VWA8: variants seen among roughly 807,000 people sequenced by gnomAD.
The protein encoded by VWA8 is von Willebrand factor A domain containing 8, also known as von Willebrand factor A domain-containing protein 8.
VWA8 carries 221 observed loss-of-function variants against 241.5 expected under a neutral mutation model. The observed-to-expected ratio is 0.91, with a 90% CI of 0.82 to 1.02. VWA8 has a LOEUF of 1.02. VWA8 is among the 50% of genes least tolerant of loss of function. The pLI is 0.00. For synonymous variants in VWA8, 852 were observed against 827.1 expected, an observed-to-expected ratio of 1.03 and a Z score of -0.52; for missense variants, 2,322 against 2,328.7, an observed-to-expected ratio of 1.00 and a Z score of 0.06.
intron 21 of VWA8, among the ~76,000 whole-genome samples, chr13:41,757,148 A>G (rs2045700053): frequency 6.6e-6 from 1 of 151,760 alleles, no homozygotes; most frequent in South Asian, 2.1e-4. Context: ...GAGAGGAAAA[A>G]AAAAGAGAGT....
chr13:41,692,944 G>A lies in VWA8; in HGVS notation c.3593C>T (p.Thr1198Ile), dbSNP rs751273853. 5.0e-6 allele frequency: 8 copies of A among 1,607,472 alleles called. No homozygotes were observed. The highest frequency in any genetic ancestry group is 6.8e-6 in the Non-Finnish European group (8 of 1,175,932). Residue 1198 changes from threonine (T) to isoleucine (I), a missense_variant, in exon 30 of 45, where the codon ACT (threonine) becomes ATT (isoleucine). Thr to Ile is a moderately conservative substitution (Grantham distance 89, BLOSUM62 -1). Transcript: ENST00000379310. Reference protein sequence around the residue: ...QSNVILLLDTTGRALHRLILP... With the variant: ...QSNVILLLDTIGRALHRLILP... ...GATGAGACGATGAAGGGCCCGGCCA[G>A]TAGTATCTAACAACAGGATAACATT...
chr13:41,712,852 G>A (rs1287612869), intron 26 of VWA8, among the ~76,000 whole-genome samples: 1 of 152,186 alleles, frequency 6.6e-6, no homozygotes, highest in Non-Finnish European at 1.5e-5. Context: ...ATATTGTAAT[G>A]TAGATTAGAT....
At chr13:41,727,128 T>C (rs745645216) in intron 24 of VWA8, 66 bp downstream of exon 24, 5 of 1,252,168 alleles carry the variant, frequency 4.0e-6, no homozygotes, top group Non-Finnish European at 5.5e-6. Flanking sequence ...ATGACAGCCA[T>C]TACAGCAGTG....
rs1227639185 is a variant in VWA8 at position 41,719,336 on chromosome 13, G to A, written c.3116+255C>T. ...GTAATTCAACAAAAGGACTGAGACT[G>A]TTAAAGAAACAAATATTTCCCTTTA... On this transcript the variant is annotated intron_variant, in intron 26 of 44. Transcript: ENST00000379310. The A allele has an allele frequency of 3.1e-6, 4 of 1,302,572 alleles. No individual in the cohort carries two copies. In the East Asian group the frequency reaches 1.4e-4, roughly 45 times the overall value. The allele number at this position is 1,302,572 out of a possible 1,614,324, so 80.7% of individuals were successfully genotyped here.
chr13:41,683,224 T>C (rs1295765423), intron 35 of VWA8, among the ~76,000 whole-genome samples: 1 of 151,302 alleles, frequency 6.6e-6, no homozygotes, highest in Admixed American at 6.6e-5. Context: ...CAAACTGTGG[T>C]ACATCTATAT....
intron 22 of VWA8, 133 bp from the exon 23 acceptor site, chr13:41,729,810 C>G (rs147910830): frequency 1.4e-5 from 6 of 422,930 alleles, no homozygotes; most frequent in East Asian, 4.4e-5. Flanking sequence ...CACACACACA[C>G]ACACACACAC....
intron 37 of VWA8, among the ~76,000 whole-genome samples, chr13:41,631,182 G>A (rs2044723965): frequency 6.6e-6 from 1 of 152,064 alleles, no homozygotes; most frequent in Admixed American, 6.5e-5. Context: ...ACCACACCTA[G>A]CTAATTTTTG....
At chr13:41,833,658 G>C (rs1243544075) in intron 12 of VWA8, 127 bp from the exon 13 acceptor site, 6 of 1,124,206 alleles carry the variant, frequency 5.3e-6, no homozygotes, top group Non-Finnish European at 6.9e-6. Flanking sequence ...TAACAGAGAA[G>C]TCATCTTCTC....
intron 16 of VWA8, among the ~76,000 whole-genome samples, chr13:41,813,823 T>C (rs1870572973): frequency 6.6e-6 from 1 of 152,118 alleles, no homozygotes; most frequent in Admixed American, 6.6e-5. Context: ...GAGTATACTT[T>C]AAAAATTCCT....
chr13:41,718,372 C>A (rs369213633), intron 26 of VWA8, among the ~76,000 whole-genome samples: 2 of 151,884 alleles, frequency 1.3e-5, no homozygotes, highest in Non-Finnish European at 2.9e-5. Context: ...CATTAAATTA[C>A]TGACCTAGTT....
chr13:41,693,072 G>A, intron 29 of VWA8, 100 bp from the exon 30 acceptor site: 2 of 695,694 alleles, frequency 2.9e-6, no homozygotes, highest in Non-Finnish European at 4.7e-6. Flanking sequence ...AGGTTATAGT[G>A]ATAAATCAAA....
At chr13:41,692,804 T>C in intron 30 of VWA8, 58 bp downstream of exon 30, 3 of 1,420,292 alleles carry the variant, frequency 2.1e-6, no homozygotes. Context: ...TGCATCTTTC[T>C]GGTTAGAAAG....
chr13:41,921,981 A>T (rs1434714622), intron 2 of VWA8, among the ~76,000 whole-genome samples: 1 of 152,212 alleles, frequency 6.6e-6, no homozygotes. Flanking sequence ...TGCCAAGTCA[A>T]TCCTAAGCCA....
chr13:41,859,854 T>C (rs1424339171), intron 12 of VWA8, among the ~76,000 whole-genome samples: 1 of 152,186 alleles, frequency 6.6e-6, no homozygotes, highest in Non-Finnish European at 1.5e-5. Flanking sequence ...ACAGATTAAG[T>C]GTAGCTTTAT....
intron 42 of VWA8, among the ~76,000 whole-genome samples, chr13:41,586,153 C>T (rs2044416497): frequency 2.0e-5 from 3 of 147,644 alleles, no homozygotes; most frequent in African/African-American, 7.8e-5. Flanking sequence ...TCTATAAACC[C>T]ATAAAGCATA....
intron 40 of VWA8, among the ~76,000 whole-genome samples, chr13:41,603,133 A>G (rs1350281497): frequency 6.6e-6 from 1 of 152,150 alleles, no homozygotes; most frequent in Non-Finnish European, 1.5e-5. Context: ...TTTTTAAAAA[A>G]TGGGTGCTAC....
chr13:41,595,237 A>G (rs188373343), intron 40 of VWA8, among the ~76,000 whole-genome samples: 31 of 152,282 alleles, frequency 2.0e-4, no homozygotes, highest in Admixed American at 2.0e-3. Context: ...CTTTTCCCAT[A>G]ATGATTATCT....
chr13:41,756,245 T>C (rs879746373), intron 21 of VWA8, among the ~76,000 whole-genome samples: 9 of 151,702 alleles, frequency 5.9e-5, no homozygotes, highest in Non-Finnish European at 1.3e-4. Context: ...ATAAACATAA[T>C]GAATCCATGA....
At chr13:41,699,332 G>C in intron 28 of VWA8, 62 bp from the exon 29 acceptor site, 2 of 1,521,962 alleles carry the variant, frequency 1.3e-6, no homozygotes, top group Non-Finnish European at 1.8e-6. Context: ...TGGCCAAGAG[G>C]TCTAGTGAAA....
Sources: allele counts gnomAD v4.1 joint callset (sites outside exome capture counted in the v4.1 genomes callset), GRCh38; gene constraint gnomAD v4.1.1; transcripts MANE v1.5; gene names NCBI Gene and HGNC (gene_info 2026-07-23, HGNC 2026-07-21).